The following CADM2 variants were observed in gnomAD, a reference collection of about 807,000 sequenced individuals.
CADM2 encodes immunoglobulin superfamily member 4D.
CADM2 carries 12 observed loss-of-function variants against 49.8 expected under a neutral mutation model. The observed-to-expected ratio is 0.24, with a 90% CI of 0.15 to 0.39. CADM2 has a LOEUF of 0.39. CADM2 is among the 10% of genes least tolerant of loss of function. The probability of loss-of-function intolerance (pLI) is 1.00; values close to 1 mark genes in which losing one functional copy is unlikely to be tolerated. For synonymous variants in CADM2, 214 were observed against 175.4 expected (o/e 1.22, Z -1.74); for missense variants, 378 against 492.3 (o/e 0.77, Z 2.20).
chr3:85,296,912 A>G (rs1273205502), intron 1 of CADM2, among the ~76,000 whole-genome samples: 1 of 152,030 alleles, frequency 6.6e-6, no homozygotes, highest in Non-Finnish European at 1.5e-5. Context: ...TCTCAGCTAA[A>G]ATAGAGTATG....
At chr3:85,435,712 A>G (rs1028459225) in intron 1 of CADM2, among the ~76,000 whole-genome samples, 1 of 151,996 alleles carries the variant, frequency 6.6e-6, no homozygotes, top group Non-Finnish European at 1.5e-5. Context: ...GGCCATTCTA[A>G]CTGGCATGAG....
intron 1 of CADM2, among the ~76,000 whole-genome samples, chr3:85,688,930 T>C (rs974222285): frequency 6.6e-6 from 1 of 152,202 alleles, no homozygotes; most frequent in Non-Finnish European, 1.5e-5. Context: ...TTTTCATTCC[T>C]ATGTAGTTAC....
At chr3:85,979,388 G>A in intron 8 of CADM2, 1 of 1,319,988 alleles carries the variant, frequency 7.6e-7, no homozygotes, top group Non-Finnish European at 1.0e-6. Context: ...ACTTAATTAT[G>A]AGAAGTAATT....
intron 2 of CADM2, among the ~76,000 whole-genome samples, chr3:85,746,663 A>G (rs1247597424): frequency 6.6e-6 from 1 of 152,064 alleles, no homozygotes; most frequent in East Asian, 1.9e-4. Flanking sequence ...TGTCTGCTTT[A>G]GAGTCTTATC....
chr3:85,175,097 T>C (rs1405816914), intron 1 of CADM2, among the ~76,000 whole-genome samples: 2 of 152,174 alleles, frequency 1.3e-5, no homozygotes, highest in Non-Finnish European at 2.9e-5. Flanking sequence ...CTCATTAGGA[T>C]GGCAACTGTA....
intron 1 of CADM2, among the ~76,000 whole-genome samples, chr3:85,333,449 TAGTGATAA>T: frequency 6.6e-6 from 1 of 151,818 alleles, no homozygotes; most frequent in Non-Finnish European, 1.5e-5. Flanking sequence ...AACAACTTTT[TAGTGATAA>T]AATTCACTTC....
At chr3:85,723,373 G>A (rs1039698778) in intron 1 of CADM2, among the ~76,000 whole-genome samples, 8 of 151,962 alleles carry the variant, frequency 5.3e-5, no homozygotes, top group Admixed American at 2.6e-4. Flanking sequence ...GGTCACTTGG[G>A]GTGGTGTGCA....
chr3:86,013,440 T>G, intron 8 of CADM2: 5 of 1,579,902 alleles, frequency 3.2e-6, no homozygotes, highest in Non-Finnish European at 3.5e-6. Context: ...CCTAGATAAC[T>G]TTCAAGCACT....
chr3:85,278,718 TTG>T (rs36208431), intron 1 of CADM2, among the ~76,000 whole-genome samples: 22,251 of 144,208 alleles, frequency 0.15, 1,906 homozygotes, highest in East Asian at 0.32. Flanking sequence ...GCTGATGTTC[TTG>T]TGTGTGTGTG....
chr3:85,679,954 A>C (rs1044879864), intron 1 of CADM2, among the ~76,000 whole-genome samples: 3 of 152,152 alleles, frequency 2.0e-5, no homozygotes, highest in Admixed American at 2.0e-4. Flanking sequence ...AACACACTGA[A>C]TTATCACAAT....
chr3:85,213,592 T>G (rs1214513396), intron 1 of CADM2, among the ~76,000 whole-genome samples: 1 of 152,082 alleles, frequency 6.6e-6, no homozygotes, highest in Non-Finnish European at 1.5e-5. Flanking sequence ...CTTCTTGTAC[T>G]TCCATATTCA....
chr3:85,657,743 GAT>G (rs1229286084), intron 1 of CADM2, among the ~76,000 whole-genome samples: 74 of 68,410 alleles, frequency 1.1e-3, no homozygotes, highest in East Asian at 2.3e-3. Context: ...TATATATACA[GAT>G]ATATATATAT....
intron 9 of CADM2, 109 bp downstream of exon 9, chr3:86,065,839 GGA>G: frequency 9.8e-7 from 1 of 1,015,376 alleles, no homozygotes; most frequent in East Asian, 2.9e-5. Flanking sequence ...TGTAGAATAG[GGA>G]GATAGAGAGA....
intron 6 of CADM2, among the ~76,000 whole-genome samples, chr3:85,914,804 A>G (rs1358808692): frequency 1.3e-5 from 2 of 152,198 alleles, no homozygotes; most frequent in African/African-American, 4.8e-5. Flanking sequence ...TGTGCCGGCT[A>G]TTCTAAAGAG....
At chr3:85,752,500 A>ACACT (rs1228177981) in intron 2 of CADM2, among the ~76,000 whole-genome samples, 4 of 151,560 alleles carry the variant, frequency 2.6e-5, no homozygotes, top group South Asian at 4.2e-4. Flanking sequence ...ACACACACAC[A>ACACT]CTAAGTTGAC....
At chr3:85,828,794 T>C (rs1046971625) in intron 3 of CADM2, among the ~76,000 whole-genome samples, 3 of 151,930 alleles carry the variant, frequency 2.0e-5, no homozygotes, top group African/African-American at 7.2e-5. Context: ...GCAAGTTCTG[T>C]GAGGGAGATA....
At chr3:84,966,804 A>G (rs1469978764) in intron 1 of CADM2, among the ~76,000 whole-genome samples, 1 of 152,078 alleles carries the variant, frequency 6.6e-6, no homozygotes, top group Non-Finnish European at 1.5e-5. Context: ...GAATATTTAA[A>G]TTATCTTTCA....
chr3:85,278,838 T>C (rs1429329097), intron 1 of CADM2, among the ~76,000 whole-genome samples: 2 of 151,154 alleles, frequency 1.3e-5, no homozygotes, highest in East Asian at 3.9e-4. Context: ...AAGATATACA[T>C]TTTATATCTT....
intron 2 of CADM2, among the ~76,000 whole-genome samples, chr3:85,793,809 A>G (rs1289996595): frequency 1.3e-5 from 2 of 152,222 alleles, no homozygotes; most frequent in Non-Finnish European, 2.9e-5. Flanking sequence ...TTGTTTAGTC[A>G]GAATTGAATT....
Sources: gnomAD v4.1 joint callset for allele counts (sites outside exome capture counted in the v4.1 genomes callset) on GRCh38, gnomAD v4.1.1 for gene constraint, MANE v1.5 for transcripts, NCBI Gene and HGNC (gene_info 2026-07-23, HGNC 2026-07-21) for gene names.